TYR: variants seen among roughly 807,000 people sequenced by gnomAD.
TYR encodes the protein tyrosinase.
Under a neutral mutation model 51.5 loss-of-function variants are expected in TYR, and 58 were observed. That is an observed-to-expected ratio of 1.13 (90% CI 0.91 to 1.40). The LOEUF is 1.40. TYR is among the 40% of genes most tolerant of loss of function. The pLI is 0.00. For synonymous variants in TYR, 263 were observed against 235.2 expected (o/e 1.12, Z -1.08); for missense variants, 732 against 647.4 (o/e 1.13, Z -1.42).
At chr11:89,199,289 G>T (rs1319105233) in intron 2 of TYR, among the ~76,000 whole-genome samples, 1 of 152,122 alleles carries the variant, frequency 6.6e-6, no homozygotes, top group Non-Finnish European at 1.5e-5. Context: ...GGATGGCTGA[G>T]TCAAATGGTA....
chr11:89,226,673 T>C (rs1732281759), intron 2 of TYR, among the ~76,000 whole-genome samples: 1 of 152,108 alleles, frequency 6.6e-6, no homozygotes, highest in Non-Finnish European at 1.5e-5. Flanking sequence ...ATAAGGAAGA[T>C]ATTGCCAATA....
chr11:89,277,843 C>T (rs1944673891), intron 3 of TYR, among the ~76,000 whole-genome samples: 1 of 151,640 alleles, frequency 6.6e-6, no homozygotes, highest in African/African-American at 2.4e-5. Flanking sequence ...GCATATCCAC[C>T]AACTCCTACT....
At chr11:89,197,150 GAC>G (rs1943530668) in intron 2 of TYR, among the ~76,000 whole-genome samples, 1 of 152,152 alleles carries the variant, frequency 6.6e-6, no homozygotes, top group Admixed American at 6.6e-5. Flanking sequence ...CATATGCAAT[GAC>G]ACAGAGGTGT....
chr11:89,215,694 T>C (rs1943823556), intron 2 of TYR, among the ~76,000 whole-genome samples: 1 of 152,110 alleles, frequency 6.6e-6, no homozygotes, highest in African/African-American at 2.4e-5. Flanking sequence ...TATTGCACAG[T>C]GGTGAAGTCT....
intron 3 of TYR, among the ~76,000 whole-genome samples, chr11:89,250,056 C>A (rs1448803806): frequency 6.6e-6 from 1 of 151,812 alleles, no homozygotes; most frequent in East Asian, 1.9e-4. Flanking sequence ...GGGCTGGGGG[C>A]TGACTAGGAG....
intron 2 of TYR, among the ~76,000 whole-genome samples, chr11:89,207,279 A>G (rs1370295651): frequency 6.6e-6 from 1 of 152,172 alleles, no homozygotes; most frequent in Non-Finnish European, 1.5e-5. Context: ...CAAGAATCAA[A>G]AAAGGGATAT....
At chr11:89,188,518 G>C (rs769211008) in intron 1 of TYR, among the ~76,000 whole-genome samples, 2 of 152,052 alleles carry the variant, frequency 1.3e-5, no homozygotes, top group African/African-American at 2.4e-5. Flanking sequence ...AAAGTAGGGA[G>C]AGATGATTCT....
intron 3 of TYR, among the ~76,000 whole-genome samples, chr11:89,265,044 G>A (rs1179288880): frequency 6.6e-6 from 1 of 151,910 alleles, no homozygotes; most frequent in Non-Finnish European, 1.5e-5. Flanking sequence ...TAGGTAATCA[G>A]GCCTCTGAGA....
At chr11:89,209,097 G>C (rs1302308354) in intron 2 of TYR, among the ~76,000 whole-genome samples, 1 of 152,182 alleles carries the variant, frequency 6.6e-6, no homozygotes, top group African/African-American at 2.4e-5. Context: ...TCGGACAGTG[G>C]GTGCAGCCCA....
At chr11:89,207,925 T>G (rs558958491) in intron 2 of TYR, among the ~76,000 whole-genome samples, 2 of 152,288 alleles carry the variant, frequency 1.3e-5, no homozygotes, top group African/African-American at 2.4e-5. Flanking sequence ...ATCAGATTTC[T>G]CTCTATTATT....
chr11:89,219,404 C>A (rs1943878208), intron 2 of TYR, among the ~76,000 whole-genome samples: 1 of 150,648 alleles, frequency 6.6e-6, no homozygotes, highest in Non-Finnish European at 1.5e-5. Context: ...TCAAACGATT[C>A]TCCTGCCTCA....
intron 2 of TYR, among the ~76,000 whole-genome samples, chr11:89,206,766 G>T (rs534324070): frequency 6.6e-6 from 1 of 152,034 alleles, no homozygotes; most frequent in East Asian, 1.9e-4. Context: ...AAAAAGATTG[G>T]AATTATACAG....
chr11:89,293,987 AT>A, intron 4 of TYR: 1 of 269,224 alleles, frequency 3.7e-6, no homozygotes, highest in Admixed American at 4.2e-5. Flanking sequence ...ATTTGCTGTC[AT>A]TAGATTCATT....
At chr11:89,250,589 C>T (rs1262195164) in intron 3 of TYR, among the ~76,000 whole-genome samples, 1 of 151,774 alleles carries the variant, frequency 6.6e-6, no homozygotes, top group Non-Finnish European at 1.5e-5. Context: ...ACTAGAAATC[C>T]AAGATCAAGG....
At chr11:89,205,811 C>T (rs7945829) in intron 2 of TYR, among the ~76,000 whole-genome samples, 32,594 of 152,014 alleles carry the variant, frequency 0.21, 5,120 homozygotes, top group African/African-American at 0.44. Context: ...GGGAATTCAA[C>T]AGACTTCTGT....
chr11:89,282,403 A>G (rs781470310), intron 3 of TYR, among the ~76,000 whole-genome samples: 4 of 151,766 alleles, frequency 2.6e-5, no homozygotes, highest in Non-Finnish European at 4.4e-5. Flanking sequence ...GGTTAGTACG[A>G]ATAAAATGTC....
At chr11:89,214,557 G>T (rs1394123752) in intron 2 of TYR, among the ~76,000 whole-genome samples, 1 of 152,150 alleles carries the variant, frequency 6.6e-6, no homozygotes, top group Non-Finnish European at 1.5e-5. Flanking sequence ...TATATATCAT[G>T]CTATTGTAAA....
chr11:89,284,358 AC>A (rs1944755806), intron 3 of TYR, among the ~76,000 whole-genome samples: 1 of 151,764 alleles, frequency 6.6e-6, no homozygotes, highest in Non-Finnish European at 1.5e-5. Flanking sequence ...TCCCACCAGA[AC>A]CAAAAAAATG....
At chr11:89,293,330 T>TATGC (rs1944869214) in intron 4 of TYR, among the ~76,000 whole-genome samples, 1 of 107,684 alleles carries the variant, frequency 9.3e-6, no homozygotes, top group South Asian at 2.6e-4. Context: ...GTACACATTT[T>TATGC]ATGCATACAC....
Sources: gnomAD v4.1 joint callset for allele counts (sites outside exome capture counted in the v4.1 genomes callset) on GRCh38, gnomAD v4.1.1 for gene constraint, MANE v1.5 for transcripts, NCBI Gene and HGNC (gene_info 2026-07-23, HGNC 2026-07-21) for gene names.